Variants in ARHGAP6 observed in about 807,000 individuals in gnomAD.
ARHGAP6 encodes Rho GTPase activating protein 6.
A neutral mutation model predicts 55.7 loss-of-function variants in ARHGAP6; 16 were observed. The observed-to-expected ratio is 0.29, with a 90% CI of 0.19 to 0.44. ARHGAP6 has a LOEUF of 0.44. Ranked by LOEUF, ARHGAP6 falls within the 20% of genes least tolerant of loss-of-function variation. The pLI is 1.00. For synonymous variants in ARHGAP6, 382 were observed against 360.9 expected (o/e 1.06, Z -0.66); for missense variants, 698 against 808.9 (o/e 0.86, Z 1.66).
intron 2 of ARHGAP6, among the ~76,000 whole-genome samples, chrX:11,205,897 T>G (rs906116210): frequency 8.9e-6 from 1 of 112,346 alleles, no homozygotes; most frequent in African/African-American, 3.2e-5. Context: ...AGATTCTATA[T>G]ATTTAGCATG....
At chrX:11,443,954 CAAA>C (rs61018477) in intron 1 of ARHGAP6, among the ~76,000 whole-genome samples, 5 of 102,546 alleles carry the variant, frequency 4.9e-5, no homozygotes, top group African/African-American at 1.8e-4. Flanking sequence ...AAAAGAAAAC[CAAA>C]AAAAAAAAAA....
At chrX:11,269,995 A>G (rs949027702) in intron 1 of ARHGAP6, among the ~76,000 whole-genome samples, 5 of 112,165 alleles carry the variant, frequency 4.5e-5, no homozygotes, top group African/African-American at 1.6e-4. Context: ...AGTCAAAACC[A>G]CAATAAAGAA....
chrX:11,374,321 T>A (rs373416425), intron 1 of ARHGAP6, among the ~76,000 whole-genome samples: 1 of 111,689 alleles, frequency 9.0e-6, no homozygotes, highest in East Asian at 2.8e-4. Flanking sequence ...GGCTCTAGGG[T>A]GGAGATTCCA....
At chrX:11,167,892 A>C (rs998126769) in intron 9 of ARHGAP6, among the ~76,000 whole-genome samples, 13 of 112,131 alleles carry the variant, frequency 1.2e-4, no homozygotes, top group African/African-American at 4.2e-4. Context: ...ATATAGAGTC[A>C]ATTATTAATT....
intron 1 of ARHGAP6, among the ~76,000 whole-genome samples, chrX:11,343,183 T>C (rs1223485070): frequency 8.9e-6 from 1 of 112,680 alleles, no homozygotes; most frequent in Non-Finnish European, 1.9e-5. Context: ...ATTTGAAGGA[T>C]ACACATCAGG....
chrX:11,148,353 G>A (rs1170885405), intron 10 of ARHGAP6, among the ~76,000 whole-genome samples: 1 of 111,592 alleles, frequency 9.0e-6, no homozygotes, highest in Non-Finnish European at 1.9e-5. Context: ...ATGTCTTGGA[G>A]TTTGATGGAT....
intron 1 of ARHGAP6, among the ~76,000 whole-genome samples, chrX:11,291,710 CT>C (rs751462537): frequency 9.0e-6 from 1 of 111,462 alleles, no homozygotes; most frequent in Admixed American, 9.5e-5. Flanking sequence ...AAAGGGAATC[CT>C]TCTTGTCTCT....
intron 1 of ARHGAP6, among the ~76,000 whole-genome samples, chrX:11,299,825 T>C (rs912641899): frequency 8.9e-6 from 1 of 112,201 alleles, no homozygotes; most frequent in Admixed American, 9.4e-5. Flanking sequence ...GTTCCAATTC[T>C]GGCTTTGCCC....
intron 1 of ARHGAP6, among the ~76,000 whole-genome samples, chrX:11,514,453 T>C (rs1240657905): frequency 2.7e-5 from 3 of 109,961 alleles, no homozygotes; most frequent in East Asian, 2.9e-4. Context: ...ATCCTGAACA[T>C]AGGATGTTCA....
intron 1 of ARHGAP6, among the ~76,000 whole-genome samples, chrX:11,516,233 C>A (rs1347086220): frequency 2.7e-5 from 3 of 112,141 alleles, no homozygotes; most frequent in East Asian, 2.8e-4. Context: ...TCTTTTATTT[C>A]TTTTATTGTG....
At chrX:11,662,885 A>G (rs1272901697) in intron 1 of ARHGAP6, among the ~76,000 whole-genome samples, 4 of 111,974 alleles carry the variant, frequency 3.6e-5, no homozygotes, top group African/African-American at 1.3e-4. Flanking sequence ...AGCCCCTCCT[A>G]AAGACCAAGA....
At chrX:11,209,791 G>T (rs774344942) in intron 2 of ARHGAP6, among the ~76,000 whole-genome samples, 1 of 111,917 alleles carries the variant, frequency 8.9e-6, no homozygotes, top group African/African-American at 3.3e-5. Flanking sequence ...TGAGTGGGGT[G>T]TATCTGTTAC....
intron 1 of ARHGAP6, among the ~76,000 whole-genome samples, chrX:11,388,672 GT>G (rs1267971525): frequency 5.4e-5 from 6 of 111,382 alleles, no homozygotes. Flanking sequence ...TTCTTCTAGG[GT>G]TTTTATGGTT....
At chrX:11,645,570 T>G in intron 1 of ARHGAP6, among the ~76,000 whole-genome samples, 1 of 112,300 alleles carries the variant, frequency 8.9e-6, no homozygotes, top group East Asian at 2.8e-4. Context: ...ACGTATTTTA[T>G]TTGTCTCTAA....
chrX:11,214,453 A>G (rs1254192841), intron 2 of ARHGAP6, among the ~76,000 whole-genome samples: 1 of 112,857 alleles, frequency 8.9e-6, no homozygotes, highest in Non-Finnish European at 1.9e-5. Context: ...GGTGATGGCC[A>G]TTGCATCCAA....
chrX:11,524,554 G>C (rs754959266), intron 1 of ARHGAP6, among the ~76,000 whole-genome samples: 1 of 111,152 alleles, frequency 9.0e-6, no homozygotes, highest in Non-Finnish European at 1.9e-5. Context: ...GGATGCTTTG[G>C]TCTATTTGTT....
At chrX:11,240,956 G>T (rs1160177052) in intron 2 of ARHGAP6, among the ~76,000 whole-genome samples, 1 of 104,749 alleles carries the variant, frequency 9.5e-6, no homozygotes, top group East Asian at 3.0e-4. Context: ...GGGGTGGGGT[G>T]GGGGGCTGAG....
chrX:11,417,161 TCTCC>T (rs1472585019), intron 1 of ARHGAP6, among the ~76,000 whole-genome samples: 3 of 96,761 alleles, frequency 3.1e-5, no homozygotes, highest in Non-Finnish European at 4.1e-5. Context: ...TCCTCTCTGA[TCTCC>T]CTATCAATTC....
Position 11,213,263 on chromosome X carries a change from C to G in ARHGAP6, c.749-16267G>C, listed in dbSNP as rs775163102. ...CCTCCCATGCCCTGTGTGCTTCCAA[C>G]ACGCCCAGCTGCATCCTTTTTATCA... On this transcript the variant is annotated intron_variant, in intron 2 of 12. Coordinates refer to ENST00000337414, the MANE Select transcript of ARHGAP6 (RefSeq NM_013427.3). Among the ~76,000 whole-genome samples the G allele has an allele frequency of 1.2e-4, 14 of 113,018 alleles. No individual in the cohort carries two copies. The South Asian group carries it at 3.6e-3, about 29-fold the overall frequency.
Sources: allele counts gnomAD v4.1 joint callset (sites outside exome capture counted in the v4.1 genomes callset), GRCh38; gene constraint gnomAD v4.1.1; transcripts MANE v1.5; gene names NCBI Gene and HGNC (gene_info 2026-07-23, HGNC 2026-07-21).